POLRMT: variants seen among roughly 807,000 people sequenced by gnomAD.
POLRMT encodes the protein DNA-directed RNA polymerase, mitochondrial.
In POLRMT, 114 loss-of-function variants were observed where a neutral mutation model predicts 132.2. That is an observed-to-expected ratio of 0.86 (90% CI 0.74 to 1.01). The LOEUF is 1.01. Among genes scored for constraint, POLRMT ranks in the 50% least tolerant of loss-of-function variants. The pLI is 0.00. For missense variants in POLRMT, 2,003 were observed against 1,729.1 expected (o/e 1.16, Z -2.81); for synonymous variants, 1,020 against 773.4 (o/e 1.32, Z -5.29).
intron 17 of POLRMT, chr19:618,074 GCC>G (rs1016674972): frequency 1.8e-6 from 1 of 561,328 alleles, no homozygotes; most frequent in Non-Finnish European, 3.2e-6. Context: ...CACCCCTGCC[GCC>G]CCCCACGCTG....
intron 3 of POLRMT, among the ~76,000 whole-genome samples, chr19:629,253 G>GC (rs1324919573): frequency 3.3e-5 from 5 of 151,966 alleles, no homozygotes; most frequent in Admixed American, 1.3e-4. Context: ...TCTGCAGGCT[G>GC]CCCCCCGACG....
intron 17 of POLRMT, chr19:618,177 C>G (rs753770524): frequency 3.6e-6 from 2 of 548,076 alleles, no homozygotes; most frequent in Admixed American, 3.2e-5. Context: ...CTCCCGTGGC[C>G]GGTAGATTCT....
rs144346405 is a variant in POLRMT, at chr19:617,280, G to A, written c.3687C>T (p.Phe1229=). 1.2e-6 allele frequency: 2 copies of A among 1,612,808 alleles called. No homozygotes were observed. The highest frequency in any genetic ancestry group is 2.2e-5 in the East Asian group (1 of 44,868). The change falls in exon 21 of 21, where the codon TTC becomes TTT. Residue 1229 remains phenylalanine (F), a synonymous_variant. Transcript: ENST00000588649. The part of the protein sequence containing the change: ...LEQVKRSTYF[F]S Reference sequence around the variant, plus strand: ...TGACAAGGCTCACGGGGTGTCAGCTGAAGAAGTAGGTGGAACGCTTCACCT... The same window carrying A: ...TGACAAGGCTCACGGGGTGTCAGCTAAAGAAGTAGGTGGAACGCTTCACCT...
At position 617,313 on chromosome 19, in the gene POLRMT, G is replaced by A. The variant is rs755183783; in HGVS notation, c.3654C>T (p.Asp1218=). 1.6e-5 allele frequency: 26 copies of A among 1,612,814 alleles called. No homozygotes were observed. Among genetic ancestry groups the A allele is most frequent in the Middle Eastern group, 1.6e-4 (1 of 6,068 alleles). Residue 1218 remains aspartate, a synonymous_variant, in exon 21 of 21, where the codon GAC becomes GAT. Coordinates refer to ENST00000588649, the MANE Select transcript of POLRMT (RefSeq NM_005035.4). ...AGGTGGAACGCTTCACCTGCTCCAG[G>A]TCGAAGGCCCCTGCGGAGGAAGCAG... ...LQAVPKPGAF[D]LEQVKRSTYF...
At chr19:618,356 C>A in intron 17 of POLRMT, 132 bp downstream of exon 17, 1 of 704,024 alleles carries the variant, frequency 1.4e-6, no homozygotes, top group Non-Finnish European at 2.3e-6. Context: ...TCTACACAGG[C>A]CCCACAGACA....
chr19:622,295 G>A lies in POLRMT; in HGVS notation c.1705C>T (p.Leu569=), dbSNP rs751158196. 1.3e-6 allele frequency: 2 copies of A among 1,566,662 alleles called. No individual in the cohort carries two copies. The highest frequency in any genetic ancestry group is 2.4e-5 in the East Asian group (1 of 42,042). ...TTGCCCAGCTCCATCTGCACTGGCA[G>A]GGGCCAGGGCTGCTCCCGCAGGGCC... ...PEALREQPWP[L]PVQMELGKLL... Residue 569 remains leucine, a synonymous_variant, in exon 9 of 21, where the codon CTG becomes TTG. Transcript: ENST00000588649.
intron 13 of POLRMT, 59 bp downstream of exon 13, chr19:619,527 G>A (rs569993999): frequency 2.1e-5 from 33 of 1,594,892 alleles, no homozygotes; most frequent in South Asian, 1.9e-4. Context: ...GGGCACACCC[G>A]TCTGAGTTTT....
At chr19:627,833 G>A (rs1985131196) in intron 3 of POLRMT, among the ~76,000 whole-genome samples, 1 of 151,282 alleles carries the variant, frequency 6.6e-6, no homozygotes, top group Non-Finnish European at 1.5e-5. Flanking sequence ...GCTGCGGCAG[G>A]GAGAATTATT....
intron 12 of POLRMT, 23 bp from the exon 13 acceptor site, chr19:619,788 G>A (rs1984358760): frequency 3.7e-5 from 57 of 1,552,504 alleles, no homozygotes; most frequent in Middle Eastern, 2.4e-4. Context: ...TGGGCCGGGG[G>A]CGCGGGTCAG....
Position 620,198 on chromosome 19 carries a change from C to T in POLRMT, c.2764-118G>A, listed in dbSNP as rs541768498. 2,820 of 1,473,384 alleles carry T rather than the reference C, an allele frequency of 1.9e-3. 14 individuals carry two copies. Among genetic ancestry groups the T allele is most frequent in the Middle Eastern group, 5.4e-3 (31 of 5,698 alleles). The allele number at this position is 1,473,384 out of a possible 1,614,324, so 91.3% of individuals were successfully genotyped here. A position where few individuals can be genotyped will look rare whatever the true frequency, so the allele number is the denominator to read the frequency against. ...CCGTGCACCCCCCAGCCAAGTGCAC[C>T]GGAGCCCCCGCACGCTCCCGGGAGA... On this transcript the variant is annotated intron_variant, in intron 11 of 20. Coordinates refer to ENST00000588649, the MANE Select transcript of POLRMT (RefSeq NM_005035.4).
rs772314863 is a variant in POLRMT, at chr19:620,419, G to T, written c.2709C>A (p.Asn903Lys). The change falls in exon 11 of 21, where the codon AAC becomes AAA. Residue 903 changes from asparagine (N) to lysine (K), a missense_variant. Transcript: ENST00000588649. ...CGGCAGGGTCGGAGGCGCGCACAGC[G>T]TTCGCCACCTCCATACAGCAGGCCA... ...QTLACCMEVA[N>K]AVRASDPAAY... The T allele has an allele frequency of 6.3e-7, 1 of 1,594,362 alleles. No individual in the cohort carries two copies. The highest frequency in any genetic ancestry group is 1.1e-5 in the South Asian group (1 of 88,028).
chr19:617,460 G>C lies in POLRMT; in HGVS notation c.3602C>G (p.Ala1201Gly). The change falls in exon 20 of 21, where the codon GCC (alanine) becomes GGC (glycine). Residue 1201 changes from alanine (A) to glycine (G), a missense_variant. Physicochemically the swap from Ala to Gly is moderately conservative, Grantham distance 60. Transcript: ENST00000588649. ...CTGCAGTGTCTCCTTCAGCTGGCTG[G>C]CCTCCAAGATCTTCTGGGGCCTGGG... ...FCSEPQKILE[A>G]SQLKETLQAV... 1 of 1,607,242 alleles carries C rather than the reference G, an allele frequency of 6.2e-7. No homozygotes were observed.
chr19:622,686 T>C lies in POLRMT; in HGVS notation c.1522A>G (p.Thr508Ala). Residue 508 changes from threonine (T) to alanine (A), a missense_variant, in exon 8 of 21, where the codon ACT (threonine) becomes GCT (alanine). Thr to Ala is a moderately conservative substitution (Grantham distance 58). Coordinates refer to ENST00000588649, the MANE Select transcript of POLRMT (RefSeq NM_005035.4). ...TTLARELSAR[T>A]FSRHVVQRQR... ...CTCTGCACCACGTGCCGGCTGAAAGTGCGCGCACTCAGCTCCCGGGCCAGG... is the reference window on the plus strand; with the variant it reads ...CTCTGCACCACGTGCCGGCTGAAAGCGCGCGCACTCAGCTCCCGGGCCAGG... 1 of 1,605,052 alleles carries C rather than the reference T, an allele frequency of 6.2e-7. No individual in the cohort carries two copies. The highest frequency in any genetic ancestry group is 1.3e-5 in the African/African-American group (1 of 74,824).
chr19:620,940 G>T, intron 10 of POLRMT, 118 bp downstream of exon 10: 1 of 322,844 alleles, frequency 3.1e-6, no homozygotes, highest in Non-Finnish European at 4.8e-6. Flanking sequence ...GCCAGGGGAG[G>T]GGGAGGGGAG....
At position 622,809 on chromosome 19, in the gene POLRMT, A is replaced by AGGAAGACGCACCTGCAGG; in HGVS notation, c.1449_1455+11dup. On this transcript the variant is annotated intron_variant, in intron 7 of 20. Transcript: ENST00000588649. ...CCCGCCCGGGGACCCGGCCGCGCGG[A>AGGAAGACGCACCTGCAGG]GGAAGACGCACCTGCAGGAGCATCC... 2 of 1,579,850 alleles carry AGGAAGACGCACCTGCAGG rather than the reference A, an allele frequency of 1.3e-6. No homozygotes were observed. The highest frequency in any genetic ancestry group is 1.7e-6 in the Non-Finnish European group (2 of 1,162,966).
rs750608959 is a variant in POLRMT at position 629,994 on chromosome 19, G to T, written c.368C>A (p.Ala123Glu). 4.8e-5 allele frequency: 78 copies of T among 1,613,676 alleles called. No homozygotes were observed. Among genetic ancestry groups the T allele is most frequent in the Non-Finnish European group, 5.3e-5 (63 of 1,180,036 alleles). The change falls in exon 3 of 21, where the codon GCA (alanine) becomes GAA (glutamate). Residue 123 changes from alanine (A) to glutamate (E), a missense_variant. Coordinates refer to ENST00000588649, the MANE Select transcript of POLRMT (RefSeq NM_005035.4). The part of the protein sequence containing the change: ...DATPVPCGRW[A>E]KILEKDKRTQ... ...CCGCTTATCCTTCTCCAGTATCTTT[G>T]CCCAGCGGCCACAGGGCACCGGGGT...
chr19:625,968 T>C (rs1337874346), intron 3 of POLRMT, among the ~76,000 whole-genome samples: 1 of 152,220 alleles, frequency 6.6e-6, no homozygotes, highest in Admixed American at 6.5e-5. Flanking sequence ...CCCAAAGTGC[T>C]GGGATGACAG....
At chr19:619,907 C>T (rs942471017) in intron 12 of POLRMT, 51 bp downstream of exon 12, 16 of 1,597,124 alleles carry the variant, frequency 1.0e-5, no homozygotes, top group African/African-American at 1.3e-5. Flanking sequence ...AGACTCAGGG[C>T]TCACATTGCC....
At chr19:618,803 C>A in intron 15 of POLRMT, 43 bp from the exon 16 acceptor site, 1 of 1,555,344 alleles carries the variant, frequency 6.4e-7, no homozygotes, top group Admixed American at 1.9e-5. Flanking sequence ...CGAGGCCCAG[C>A]ACGGTGGTGG....
Sources: gnomAD v4.1 joint callset for allele counts (sites outside exome capture counted in the v4.1 genomes callset) on GRCh38, gnomAD v4.1.1 for gene constraint, MANE v1.5 for transcripts, NCBI Gene and HGNC (gene_info 2026-07-23, HGNC 2026-07-21) for gene names.